MANBA: variants seen among roughly 807,000 people sequenced by gnomAD.
MANBA encodes the protein mannosidase beta, also known as beta-mannosidase.
MANBA carries 83 observed loss-of-function variants against 111.1 expected under a neutral mutation model. That is an observed-to-expected ratio of 0.75 (90% CI 0.63 to 0.90). MANBA has a LOEUF of 0.90. Ranked by LOEUF, MANBA falls within the 40% of genes least tolerant of loss-of-function variation. MANBA has a pLI of 0.00. For synonymous variants in MANBA, 370 were observed against 378.7 expected (o/e 0.98, Z 0.27); for missense variants, 1,036 against 1,069.0 (o/e 0.97, Z 0.43).
At chr4:102,640,184 G>C (rs1201164867) in intron 13 of MANBA, among the ~76,000 whole-genome samples, 1 of 152,104 alleles carries the variant, frequency 6.6e-6, no homozygotes, top group Non-Finnish European at 1.5e-5. Context: ...CTATTCCAGA[G>C]CAAATGCTAT....
At position 102,710,161 on chromosome 4, in the gene MANBA, G is replaced by C. The variant is rs541791720; in HGVS notation, c.673+4277C>G. Among the ~76,000 whole-genome samples the C allele has an allele frequency of 2.6e-5, 4 of 151,962 alleles. No individual in the cohort carries two copies. In the East Asian group the frequency reaches 5.8e-4, roughly 22 times the overall value. ...ATAAAATGCTGGAAGTCCTATCCAG[G>C]GCAATAAAGCAAGAGAAAAACATAA... On this transcript the variant is annotated intron_variant, in intron 5 of 16. Coordinates refer to ENST00000647097, the MANE Select transcript of MANBA (RefSeq NM_005908.4).
intron 3 of MANBA, among the ~76,000 whole-genome samples, chr4:102,723,517 T>C (rs1213464588): frequency 1.3e-5 from 2 of 152,230 alleles, no homozygotes. Context: ...TCTCTTAATA[T>C]AACTATTCCA....
intron 7 of MANBA, chr4:102,682,684 A>C (rs924810340): frequency 6.6e-6 from 1 of 152,206 alleles, no homozygotes; most frequent in African/African-American, 2.4e-5. Context: ...TGGTGTAGTT[A>C]TAAGAAAAGG....
chr4:102,738,854 C>T (rs577936451), intron 1 of MANBA, among the ~76,000 whole-genome samples: 1 of 152,082 alleles, frequency 6.6e-6, no homozygotes, highest in East Asian at 1.9e-4. Context: ...ATTTAAAAAA[C>T]AATAAAGGAT....
chr4:102,721,749 C>G (rs1343020743), intron 4 of MANBA, among the ~76,000 whole-genome samples: 5 of 151,874 alleles, frequency 3.3e-5, no homozygotes, highest in Non-Finnish European at 7.4e-5. Context: ...TAGAATGGGC[C>G]AAGCATGGTG....
chr4:102,727,389 C>T lies in MANBA; in HGVS notation c.178-706G>A, dbSNP rs1343921693. ...GGACATCTTTACTTCTTGCTGCTCA[C>T]TGATGAATCAGGAGGCCTGTCCTGG... On this transcript the variant is annotated intron_variant, in intron 1 of 16. Coordinates refer to ENST00000647097, the MANE Select transcript of MANBA (RefSeq NM_005908.4). 4.7e-6 allele frequency: 4 copies of T among 854,454 alleles called. No individual in the cohort carries two copies. The Admixed American group carries it at 7.5e-5, about 16-fold the overall frequency. 52.9% of individuals were successfully genotyped at this position (854,454 alleles called of 1,614,324 possible).
rs770214278 is a variant in MANBA at position 102,650,527 on chromosome 4, A to T, written c.1869+10T>A. The T allele has an allele frequency of 6.2e-7, 1 of 1,607,360 alleles. No individual in the cohort carries two copies. Among genetic ancestry groups the T allele is most frequent in the Non-Finnish European group, 8.5e-7 (1 of 1,173,898 alleles). On this transcript the variant is annotated intron_variant, in intron 13 of 16. Transcript: ENST00000647097. ...GGAACCTGTTCAATTCTAGAATGAA[A>T]ACAACTTACCTGAGTAAGGTAGATG... is the stretch of plus-strand genomic sequence containing the variant.
chr4:102,736,564 C>G (rs1175743623), intron 1 of MANBA, among the ~76,000 whole-genome samples: 1 of 152,180 alleles, frequency 6.6e-6, no homozygotes, highest in Non-Finnish European at 1.5e-5. Context: ...AAAGTTTTTT[C>G]AACTATCTTG....
At chr4:102,691,483 G>T (rs1379702784) in intron 5 of MANBA, among the ~76,000 whole-genome samples, 5 of 151,388 alleles carry the variant, frequency 3.3e-5, no homozygotes, top group Non-Finnish European at 5.9e-5. Flanking sequence ...TACAGAGAGG[G>T]TGAAGGAAGG....
chr4:102,715,023 G>A (rs1195489619), intron 4 of MANBA, among the ~76,000 whole-genome samples: 1 of 152,218 alleles, frequency 6.6e-6, no homozygotes, highest in African/African-American at 2.4e-5. Context: ...CCACAAGTTA[G>A]TGCAAAACTG....
intron 5 of MANBA, among the ~76,000 whole-genome samples, chr4:102,692,858 G>A (rs1303372297): frequency 2.0e-5 from 3 of 150,480 alleles, no homozygotes; most frequent in Non-Finnish European, 4.4e-5. Context: ...TGGCTTTGCT[G>A]CAAAAGAAAA....
Position 102,730,694 on chromosome 4 carries a change from T to C in MANBA, c.178-4011A>G. 7 of 535,988 alleles carry C rather than the reference T, an allele frequency of 1.3e-5. No homozygotes were observed. In the Admixed American group the frequency reaches 1.4e-4, roughly 10 times the overall value. The allele number at this position is 535,988 out of a possible 1,614,324, so 33.2% of individuals were successfully genotyped here. ...TTCTTCCGGGCTTGTAATACCTTCA[T>C]GAACGCTCCTTCTGGATTCCCTACA... On this transcript the variant is annotated intron_variant, in intron 1 of 16. Transcript: ENST00000647097.
At chr4:102,678,620 A>C (rs1731825483) in intron 7 of MANBA, among the ~76,000 whole-genome samples, 1 of 152,200 alleles carries the variant, frequency 6.6e-6, no homozygotes, top group African/African-American at 2.4e-5. Context: ...GAAAATTAAA[A>C]ATTTTAACTT....
At chr4:102,734,842 C>A (rs1414188199) in intron 1 of MANBA, among the ~76,000 whole-genome samples, 2 of 152,170 alleles carry the variant, frequency 1.3e-5, no homozygotes, top group African/African-American at 2.4e-5. Context: ...GTCAAGGGGA[C>A]TGAAACACAC....
intron 1 of MANBA, chr4:102,751,985 C>A: frequency 4.1e-6 from 3 of 723,746 alleles, no homozygotes; most frequent in Non-Finnish European, 5.2e-6. Flanking sequence ...GAGTCTATAG[C>A]TGTTGATAGC....
Position 102,631,362 on chromosome 4 carries a change from A to C in MANBA, c.*695T>G, listed in dbSNP as rs1185327465. 1 of 168,144 alleles carries C rather than the reference A, an allele frequency of 5.9e-6. No homozygotes were observed. The highest frequency in any genetic ancestry group is 1.6e-4 in the East Asian group (1 of 6,146). The allele number at this position is 168,144 out of a possible 1,614,324, so 10.4% of individuals were successfully genotyped here. ...AAACCTTTCACATGTCTTAGTTTAG[A>C]TTCTTCAAACTCTCCCAGTTTACCA... On this transcript the variant is annotated 3_prime_UTR_variant, in exon 17 of 17. Coordinates refer to ENST00000647097, the MANE Select transcript of MANBA (RefSeq NM_005908.4).
chr4:102,748,027 G>A (rs532468311), intron 1 of MANBA, among the ~76,000 whole-genome samples: 2 of 152,338 alleles, frequency 1.3e-5, no homozygotes, highest in South Asian at 4.1e-4. Context: ...AGTCAGAGGA[G>A]ATCACACTTG....
At chr4:102,638,109 T>C (rs921363265) in intron 14 of MANBA, among the ~76,000 whole-genome samples, 32 of 152,154 alleles carry the variant, frequency 2.1e-4, no homozygotes, top group African/African-American at 7.7e-4. Flanking sequence ...TGGATTGTTG[T>C]TGTGGAGTGA....
rs918469642 is a variant in MANBA, at chr4:102,758,216, A to G, written c.177+2502T>C. On this transcript the variant is annotated intron_variant, in intron 1 of 16. Transcript: ENST00000647097. Reference sequence around the variant, plus strand: ...ATTTATTAATTTGGTATATATGTCTATCTCCTCCATTAGAATGTCCATTAG... The same window carrying G: ...ATTTATTAATTTGGTATATATGTCTGTCTCCTCCATTAGAATGTCCATTAG... 3.3e-5 allele frequency among the ~76,000 whole-genome samples: 5 copies of G among 152,150 alleles called. No homozygotes were observed. The East Asian group carries it at 7.7e-4, about 23-fold the overall frequency.
Sources: gnomAD v4.1 joint callset for allele counts (sites outside exome capture counted in the v4.1 genomes callset) on GRCh38, gnomAD v4.1.1 for gene constraint, MANE v1.5 for transcripts, NCBI Gene and HGNC (gene_info 2026-07-23, HGNC 2026-07-21) for gene names.